The following DYNC2I1 variants were observed in gnomAD, a reference collection of about 807,000 sequenced individuals.
DYNC2I1 encodes dynein 2 intermediate chain 1, also known as cytoplasmic dynein 2 intermediate chain 1.
In DYNC2I1, 89 loss-of-function variants were observed where a neutral mutation model predicts 133.4. That is an observed-to-expected ratio of 0.67 (90% CI 0.56 to 0.80). The LOEUF (loss-of-function observed/expected upper bound fraction) is 0.80, where lower values mean the gene tolerates loss of function less well. Ranked by LOEUF, DYNC2I1 falls within the 30% of genes least tolerant of loss-of-function variation. The probability of loss-of-function intolerance (pLI) is 0.00; values close to 1 mark genes in which losing one functional copy is unlikely to be tolerated. For missense variants in DYNC2I1, 1,291 were observed against 1,314.5 expected (o/e 0.98, Z 0.28); for synonymous variants, 504 against 484.3 (o/e 1.04, Z -0.54).
chr7:158,957,562 C>A (rs966767521), downstream of DYNC2I1, among the ~76,000 whole-genome samples: 2 of 152,218 alleles, frequency 1.3e-5, no homozygotes, highest in South Asian at 4.1e-4. Flanking sequence ...GCGCATCCTT[C>A]CCACGTGCCA....
At chr7:158,926,501 A>T in intron 19 of DYNC2I1, 38 bp downstream of exon 19, 1 of 1,600,560 alleles carries the variant, frequency 6.2e-7, no homozygotes, top group Non-Finnish European at 8.5e-7. Flanking sequence ...GCGGGGCCTG[A>T]GTGAGGTGGT....
chr7:158,915,649 A>G (rs1848100425), intron 14 of DYNC2I1, among the ~76,000 whole-genome samples: 1 of 145,370 alleles, frequency 6.9e-6, no homozygotes, highest in African/African-American at 2.6e-5. Context: ...TGAAACCTCG[A>G]CACGGTGGTT....
intron 12 of DYNC2I1, among the ~76,000 whole-genome samples, chr7:158,911,990 AT>A (rs1399923524): frequency 1.3e-5 from 2 of 152,102 alleles, no homozygotes; most frequent in Non-Finnish European, 2.9e-5. Context: ...TTATTTATTT[AT>A]TTAGAGACAG....
intron 19 of DYNC2I1, among the ~76,000 whole-genome samples, 155 bp from the exon 20 acceptor site, chr7:158,926,837 G>C (rs544192892): frequency 4.4e-4 from 67 of 152,340 alleles, no homozygotes; most frequent in African/African-American, 1.6e-3. Context: ...AACTTGTAGA[G>C]TGTTAGTTCT....
In DYNC2I1 at chr7:158,884,566, T is replaced by C. The variant is rs2129480000; in HGVS notation, c.882T>C (p.Asn294=). 4 of 1,611,066 alleles carry C rather than the reference T, an allele frequency of 2.5e-6. No homozygotes were observed. Among genetic ancestry groups the C allele is most frequent in the Non-Finnish European group, 1.7e-6 (2 of 1,178,586 alleles). Residue 294 remains asparagine (N), a splice_region_variant and synonymous_variant, in exon 6 of 25, where the codon AAT becomes AAC. Transcript: ENST00000407559. ...KDEPRKRESQ[N]GEHRNRGASS... ...GGGATTATATTTTTGTTTGATAGAA[T>C]GGTGAACACAGAAATCGAGGTGCAA...
chr7:158,844,095 A>C, the DYNC2I1 span, among the ~76,000 whole-genome samples: 4 of 152,208 alleles, frequency 2.6e-5, no homozygotes, highest in Non-Finnish European at 5.9e-5. Flanking sequence ...AATTACAGCC[A>C]TCGGTTTGGG....
chr7:158,934,067 C>A (rs747699249), intron 21 of DYNC2I1, 62 bp from the exon 22 acceptor site: 5 of 1,161,254 alleles, frequency 4.3e-6, no homozygotes, highest in Non-Finnish European at 6.3e-6. Context: ...AGTGTTAATA[C>A]CATCATTATT....
intron 8 of DYNC2I1, 92 bp from the exon 9 acceptor site, chr7:158,901,647 A>C: frequency 1.3e-6 from 1 of 786,004 alleles, no homozygotes; most frequent in African/African-American, 1.8e-5. Flanking sequence ...CATCAAAGGA[A>C]TGTCAGAAAA....
At position 158,918,752 on chromosome 7, in the gene DYNC2I1, T is replaced by C. The variant is rs369855644; in HGVS notation, c.1804T>C (p.Leu602=). 2 of 1,613,836 alleles carry C rather than the reference T, an allele frequency of 1.2e-6. No homozygotes were observed. The highest frequency in any genetic ancestry group is 1.7e-6 in the Non-Finnish European group (2 of 1,179,808). ...TTATGTCTGACAGGTGATGGCCGTT[T>C]TGCTGGAAGAGGATCGCTTGGCAGC... ...LRAACQVMAV[L]LEEDRLAAEP... Residue 602 remains leucine (L), a synonymous_variant, in exon 15 of 25, where the codon TTG becomes CTG. Transcript: ENST00000407559.
intron 2 of DYNC2I1, among the ~76,000 whole-genome samples, 160 bp downstream of exon 2, chr7:158,870,068 T>C (rs1290324652): frequency 6.6e-6 from 1 of 152,192 alleles, no homozygotes; most frequent in African/African-American, 2.4e-5. Flanking sequence ...TAACAATCCC[T>C]CTGGAACGTT....
At chr7:158,916,226 T>G (rs574893707) in intron 14 of DYNC2I1, among the ~76,000 whole-genome samples, 589 of 81,192 alleles carry the variant, frequency 7.3e-3, no homozygotes, top group Non-Finnish European at 0.014. Context: ...ACACGCTGGT[T>G]GACATTAAGG....
intron 7 of DYNC2I1, among the ~76,000 whole-genome samples, chr7:158,889,433 T>C (rs1444409113): frequency 6.6e-6 from 1 of 152,272 alleles, no homozygotes; most frequent in East Asian, 1.9e-4. Context: ...TTGGACGATA[T>C]AGATCTACCG....
In DYNC2I1 at chr7:158,884,568, G is replaced by C. The variant is rs368651864; in HGVS notation, c.884G>C (p.Gly295Ala). The C allele has an allele frequency of 6.2e-7, 1 of 1,611,064 alleles. No homozygotes were observed. Among genetic ancestry groups the C allele is most frequent in the Admixed American group, 1.7e-5 (1 of 59,522 alleles). ...GATTATATTTTTGTTTGATAGAATG[G>C]TGAACACAGAAATCGAGGTGCAAGC... ...DEPRKRESQNGEHRNRGASSK... is the reference protein window; with the variant it reads ...DEPRKRESQNAEHRNRGASSK... The change falls in exon 6 of 25, where the codon GGT becomes GCT. Residue 295 changes from glycine (G) to alanine (A), a missense_variant. Physicochemically the swap from Gly to Ala is moderately conservative, Grantham distance 60. Transcript: ENST00000407559.
chr7:158,881,614 C>T (rs564936083), intron 5 of DYNC2I1, among the ~76,000 whole-genome samples: 18 of 152,118 alleles, frequency 1.2e-4, no homozygotes, highest in Non-Finnish European at 2.5e-4. Flanking sequence ...CCACCACTCC[C>T]GGCTAATTTT....
intron 16 of DYNC2I1, 43 bp from the exon 17 acceptor site, chr7:158,923,528 T>C: frequency 6.2e-7 from 1 of 1,613,858 alleles, no homozygotes; most frequent in Non-Finnish European, 8.5e-7. Flanking sequence ...AGCATGCTTC[T>C]CATATTCTTC....
intron 1 of DYNC2I1, among the ~76,000 whole-genome samples, chr7:158,858,295 C>T (rs1841504014): frequency 6.6e-6 from 1 of 152,178 alleles, no homozygotes. Context: ...CCAATAAACA[C>T]TATAACATCA....
At chr7:158,913,119 T>G (rs748785354) in intron 13 of DYNC2I1, 23 bp downstream of exon 13, 1 of 1,505,566 alleles carries the variant, frequency 6.6e-7, no homozygotes, top group South Asian at 1.2e-5. Flanking sequence ...TCTTGAGTGT[T>G]GACCATTGAC....
At chr7:158,864,460 T>C (rs2129476484) in intron 1 of DYNC2I1, among the ~76,000 whole-genome samples, 1 of 152,174 alleles carries the variant, frequency 6.6e-6, no homozygotes, top group African/African-American at 2.4e-5. Context: ...GAAGAGTGGA[T>C]TTAGAAACAT....
intron 24 of DYNC2I1, among the ~76,000 whole-genome samples, chr7:158,943,251 A>G (rs558885630): frequency 6.6e-6 from 1 of 152,342 alleles, no homozygotes; most frequent in East Asian, 1.9e-4. Flanking sequence ...AGATAACCAC[A>G]CAACACACCT....
Sources: allele counts gnomAD v4.1 joint callset (sites outside exome capture counted in the v4.1 genomes callset), GRCh38; gene constraint gnomAD v4.1.1; transcripts MANE v1.5; gene names NCBI Gene and HGNC (gene_info 2026-07-23, HGNC 2026-07-21).